Variants in SEMA3E observed in about 807,000 individuals in gnomAD.
SEMA3E encodes the protein semaphorin-3E.
A neutral mutation model predicts 93.6 loss-of-function variants in SEMA3E; 49 were observed. The observed-to-expected ratio is 0.52, with a 90% CI of 0.42 to 0.66. The LOEUF is 0.66. Ranked by LOEUF, SEMA3E falls within the 30% of genes least tolerant of loss-of-function variation. SEMA3E has a pLI of 0.00. For missense variants in SEMA3E, 906 were observed against 964.8 expected, an observed-to-expected ratio of 0.94 and a Z score of 0.81; for synonymous variants, 363 against 330.7, an observed-to-expected ratio of 1.10 and a Z score of -1.06.
chr7:83,502,362 A>T (rs2115606849), intron 1 of SEMA3E, among the ~76,000 whole-genome samples: 1 of 152,216 alleles, frequency 6.6e-6, no homozygotes, highest in South Asian at 2.1e-4. Context: ...TTTAGATTAA[A>T]ATCTGGCTCA....
At chr7:83,547,107 C>T (rs1026556472) in intron 1 of SEMA3E, among the ~76,000 whole-genome samples, 7 of 152,062 alleles carry the variant, frequency 4.6e-5, no homozygotes, top group Non-Finnish European at 8.8e-5. Flanking sequence ...TTTGAAAAAC[C>T]ACCAAATGTT....
chr7:83,565,192 C>T (rs1792118075), intron 1 of SEMA3E, among the ~76,000 whole-genome samples: 1 of 152,166 alleles, frequency 6.6e-6, no homozygotes. Context: ...GGTACATATA[C>T]ACCATGGAAT....
chr7:83,383,062 A>G (rs1787809635), intron 16 of SEMA3E, among the ~76,000 whole-genome samples: 1 of 151,918 alleles, frequency 6.6e-6, no homozygotes, highest in South Asian at 2.1e-4. Context: ...GAAGATGTAT[A>G]TACTCTGTGG....
chr7:83,539,722 T>C (rs17157753), intron 1 of SEMA3E, among the ~76,000 whole-genome samples: 33,630 of 152,150 alleles, frequency 0.22, 3,908 homozygotes, highest in East Asian at 0.39. Flanking sequence ...AAGTTATCCT[T>C]CATTGGGATT....
intron 1 of SEMA3E, among the ~76,000 whole-genome samples, chr7:83,529,423 G>A (rs17506038): frequency 0.53 from 80,188 of 151,880 alleles, 23,520 homozygotes; most frequent in Middle Eastern, 0.69. Flanking sequence ...TGAGCTGCCC[G>A]TCAAAAACTA....
chr7:83,476,600 G>T (rs1248406069), intron 2 of SEMA3E, among the ~76,000 whole-genome samples: 1 of 152,116 alleles, frequency 6.6e-6, no homozygotes, highest in Non-Finnish European at 1.5e-5. Flanking sequence ...GTTAACTCAG[G>T]TGACAATATA....
chr7:83,503,697 A>G (rs1275782221), intron 1 of SEMA3E, among the ~76,000 whole-genome samples: 1 of 152,214 alleles, frequency 6.6e-6, no homozygotes, highest in Non-Finnish European at 1.5e-5. Context: ...GATGAAAACT[A>G]TAAGCAATTG....
chr7:83,561,249 T>A (rs1792024076), intron 1 of SEMA3E, among the ~76,000 whole-genome samples: 1 of 152,062 alleles, frequency 6.6e-6, no homozygotes. Context: ...TCTATAATCA[T>A]CTGTTTTAAG....
intron 1 of SEMA3E, among the ~76,000 whole-genome samples, chr7:83,585,524 C>T (rs566431100): frequency 2.6e-5 from 4 of 152,134 alleles, no homozygotes; most frequent in Non-Finnish European, 4.4e-5. Flanking sequence ...TAAAATATTA[C>T]ATGAAGAATT....
intron 1 of SEMA3E, among the ~76,000 whole-genome samples, chr7:83,583,118 C>G (rs2115916804): frequency 6.6e-6 from 1 of 152,212 alleles, no homozygotes; most frequent in South Asian, 2.1e-4. Context: ...ATTGTTTAAT[C>G]AAGTGATATA....
intron 2 of SEMA3E, among the ~76,000 whole-genome samples, chr7:83,473,664 C>T (rs377564171): frequency 9.2e-5 from 14 of 152,272 alleles, no homozygotes; most frequent in African/African-American, 1.9e-4. Flanking sequence ...CATTCCTGTG[C>T]GGAAATATTC....
At position 83,428,705 on chromosome 7, in the gene SEMA3E, A is replaced by G. The variant is rs371293386; in HGVS notation, c.457-10222T>C. On this transcript the variant is annotated intron_variant, in intron 4 of 16. Transcript: ENST00000643230. ...AGTAAAATAGCAAGTAAATATTTTG[A>G]CTGTAAGGCTAATAGTTTTGCATTT... 9.2e-5 allele frequency among the ~76,000 whole-genome samples: 14 copies of G among 152,312 alleles called. No homozygotes were observed. The South Asian group carries it at 2.9e-3, about 32-fold the overall frequency.
In SEMA3E at chr7:83,463,814, A is replaced by G. The variant is rs576581381; in HGVS notation, c.456+2668T>C. ...TCCATCTGCTATTCCACTACTCCTC[A>G]GGGATTATTCAGGCCCCCTCCCTTC... is the stretch of plus-strand genomic sequence containing the variant. On this transcript the variant is annotated intron_variant, in intron 4 of 16. Coordinates refer to ENST00000643230, the MANE Select transcript of SEMA3E (RefSeq NM_012431.3). Among the ~76,000 whole-genome samples the G allele has an allele frequency of 5.4e-3, 819 of 152,196 alleles. 6 individuals carry two copies. Among genetic ancestry groups the G allele is most frequent in the African/African-American group, 0.019 (772 of 41,518 alleles).
chr7:83,477,146 T>G (rs1790030869), intron 2 of SEMA3E, among the ~76,000 whole-genome samples: 1 of 152,162 alleles, frequency 6.6e-6, no homozygotes, highest in Non-Finnish European at 1.5e-5. Flanking sequence ...TGAAATAATT[T>G]TTTAATTGTC....
At chr7:83,632,389 A>G (rs990533253) in intron 1 of SEMA3E, among the ~76,000 whole-genome samples, 1 of 152,146 alleles carries the variant, frequency 6.6e-6, no homozygotes, top group Admixed American at 6.5e-5. Context: ...CTCAGCTTTA[A>G]TTCCCACGGG....
intron 1 of SEMA3E, among the ~76,000 whole-genome samples, chr7:83,542,526 C>A (rs1380646590): frequency 1.3e-5 from 2 of 151,826 alleles, no homozygotes; most frequent in Non-Finnish European, 2.9e-5. Flanking sequence ...ATTTTATTTC[C>A]TATATGACTT....
At chr7:83,554,338 G>GA (rs1791837583) in intron 1 of SEMA3E, among the ~76,000 whole-genome samples, 1 of 152,070 alleles carries the variant, frequency 6.6e-6, no homozygotes, top group Admixed American at 6.5e-5. Flanking sequence ...GTAAGCAATG[G>GA]AAAAATGAGT....
At chr7:83,565,995 CTTTTTTTTTT>C (rs750248438) in intron 1 of SEMA3E, among the ~76,000 whole-genome samples, 1,213 of 112,746 alleles carry the variant, frequency 0.011, 11 homozygotes, top group Middle Eastern at 0.024. Flanking sequence ...TGTTTCCACT[CTTTTTTTTTT>C]TTTTTTTTTG....
chr7:83,432,017 T>C (rs998197747), intron 4 of SEMA3E, among the ~76,000 whole-genome samples: 2 of 151,596 alleles, frequency 1.3e-5, no homozygotes, highest in Non-Finnish European at 2.9e-5. Context: ...TCAAAGCACT[T>C]GGAGGGGCCA....
Sources: gnomAD v4.1 joint callset for allele counts (sites outside exome capture counted in the v4.1 genomes callset) on GRCh38, gnomAD v4.1.1 for gene constraint, MANE v1.5 for transcripts, NCBI Gene and HGNC (gene_info 2026-07-23, HGNC 2026-07-21) for gene names.